MICAL3: variants seen among roughly 807,000 people sequenced by gnomAD.
MICAL3 encodes the protein microtubule associated monooxygenase, calponin and LIM domain containing 3.
Under a neutral mutation model 207.4 loss-of-function variants are expected in MICAL3, and 62 were observed. That is an observed-to-expected ratio of 0.30 (90% CI 0.24 to 0.37). MICAL3 has a LOEUF of 0.37. Ranked by LOEUF, MICAL3 falls within the 10% of genes least tolerant of loss-of-function variation. The pLI, the probability that MICAL3 is intolerant of heterozygous loss-of-function variation, is 1.00. For synonymous variants in MICAL3, 1,077 were observed against 1,069.3 expected (o/e 1.01, Z -0.14); for missense variants, 2,368 against 2,635.6 (o/e 0.90, Z 2.22).
intron 1 of MICAL3, among the ~76,000 whole-genome samples, chr22:17,959,506 G>T (rs917628793): frequency 6.6e-6 from 1 of 152,036 alleles, no homozygotes; most frequent in African/African-American, 2.4e-5. Flanking sequence ...GTAGAGACAC[G>T]GTTTCACCAT....
rs145094405 is a variant in MICAL3 at position 17,982,993 on chromosome 22, G to A, written c.-75+41288C>T. On this transcript the variant is annotated intron_variant, in intron 1 of 31. Transcript: ENST00000441493. ...AGAGTCCAAAAAGTACCTCAGAAAC[G>A]AAGGACCTTGGGCTGAGGCCACAGC... Among the ~76,000 whole-genome samples, 340 of 152,224 alleles carry A rather than the reference G, an allele frequency of 2.2e-3. 1 individual carries two copies. Among genetic ancestry groups the A allele is most frequent in the African/African-American group, 7.9e-3 (329 of 41,536 alleles).
intron 16 of MICAL3, chr22:17,881,227 C>G: frequency 6.2e-7 from 1 of 1,612,652 alleles, no homozygotes; most frequent in Non-Finnish European, 8.5e-7. Flanking sequence ...ATGTGCCCGA[C>G]AGGGAGGTGG....
intron 17 of MICAL3, among the ~76,000 whole-genome samples, chr22:17,871,107 C>CT (rs1471710032): frequency 1.3e-5 from 2 of 152,236 alleles, no homozygotes; most frequent in African/African-American, 4.8e-5. Context: ...CACGAAGTCC[C>CT]TCCAGCATCC....
chr22:17,877,949 T>C (rs914081704), intron 16 of MICAL3, among the ~76,000 whole-genome samples: 2 of 152,082 alleles, frequency 1.3e-5, no homozygotes, highest in African/African-American at 4.8e-5. Context: ...GCCTCCTGGG[T>C]TGATGCCATT....
intron 1 of MICAL3, among the ~76,000 whole-genome samples, chr22:17,952,287 C>T (rs1479659855): frequency 6.6e-6 from 1 of 152,178 alleles, no homozygotes; most frequent in Admixed American, 6.5e-5. Context: ...TCCCCATCAC[C>T]CCACTCTCCT....
intron 29 of MICAL3, among the ~76,000 whole-genome samples, chr22:17,801,055 G>T (rs1052358299): frequency 6.6e-6 from 1 of 152,128 alleles, no homozygotes; most frequent in African/African-American, 2.4e-5. Context: ...TGGGAAAGGG[G>T]AAGTGATGAG....
At chr22:17,981,101 T>C in intron 1 of MICAL3, 1 of 292,550 alleles carries the variant, frequency 3.4e-6, no homozygotes, top group Non-Finnish European at 7.4e-6. Context: ...GACACATTTA[T>C]TTTCAATTTT....
chr22:17,865,853 GC>G, intron 18 of MICAL3, 70 bp downstream of exon 18: 3 of 1,336,476 alleles, frequency 2.2e-6, no homozygotes, highest in Non-Finnish European at 2.1e-6. Context: ...CAGGTTGGCC[GC>G]CCCCGGCCCA....
intron 20 of MICAL3, among the ~76,000 whole-genome samples, 195 bp from the exon 21 acceptor site, chr22:17,832,302 G>A (rs5992874): frequency 0.22 from 33,274 of 152,144 alleles, 4,144 homozygotes; most frequent in Non-Finnish European, 0.29. Flanking sequence ...ACCCAAGCCC[G>A]ACTAAGGGGA....
At chr22:17,963,433 CA>C (rs1041461296) in intron 1 of MICAL3, among the ~76,000 whole-genome samples, 3 of 152,130 alleles carry the variant, frequency 2.0e-5, no homozygotes, top group African/African-American at 7.2e-5. Context: ...CTTGCCTTCA[CA>C]TAAATGCGGG....
At chr22:17,867,375 G>A (rs921887739) in intron 17 of MICAL3, among the ~76,000 whole-genome samples, 1 of 152,210 alleles carries the variant, frequency 6.6e-6, no homozygotes, top group Non-Finnish European at 1.5e-5. Context: ...GTTGCCTGGA[G>A]CCTGGCCACA....
In MICAL3 at chr22:17,900,767, A is replaced by C; in HGVS notation, c.847+75T>G. The C allele has an allele frequency of 7.1e-7, 1 of 1,402,590 alleles. No individual in the cohort carries two copies. Among genetic ancestry groups the C allele is most frequent in the Non-Finnish European group, 1.0e-6 (1 of 999,046 alleles). The allele number at this position is 1,402,590 out of a possible 1,614,324, so 86.9% of individuals were successfully genotyped here. ...AGGGACACCGACGGCCACTCACCCCACCAATCCCCCAAGAAAAAGCCACCA... is the reference window on the plus strand; with the variant it reads ...AGGGACACCGACGGCCACTCACCCCCCCAATCCCCCAAGAAAAAGCCACCA... On this transcript the variant is annotated intron_variant, in intron 6 of 31. Coordinates refer to ENST00000441493, the MANE Select transcript of MICAL3 (RefSeq NM_015241.3). This position sits in a 1 kb window ranked among gnomAD's most constrained non-coding sequence, Gnocchi z 4.0.
chr22:17,946,206 G>T (rs954334700), intron 1 of MICAL3, among the ~76,000 whole-genome samples: 25 of 152,182 alleles, frequency 1.6e-4, no homozygotes, highest in Non-Finnish European at 1.6e-4. Context: ...AGCTCTACCT[G>T]ACCAGGAGGC....
chr22:17,963,333 G>C (rs1935002538), intron 1 of MICAL3, among the ~76,000 whole-genome samples: 1 of 152,058 alleles, frequency 6.6e-6, no homozygotes, highest in South Asian at 2.1e-4. Context: ...GCTGGACACA[G>C]GATGTTTAAA....
rs763181842 is a variant in MICAL3, at chr22:17,823,129, G to C, written c.3194-69C>G. ...GACAGACAGGCTGCATCTTCACGGGGGCGAGAGGTACTGCCTTTCTCAGGG... is the reference window on the plus strand; with the variant it reads ...GACAGACAGGCTGCATCTTCACGGGCGCGAGAGGTACTGCCTTTCTCAGGG... On this transcript the variant is annotated intron_variant, in intron 22 of 31. Transcript: ENST00000441493. 1.1e-4 allele frequency: 117 copies of C among 1,060,066 alleles called. No homozygotes were observed. The African/African-American group carries it at 1.6e-3, about 14-fold the overall frequency. The allele number at this position is 1,060,066 out of a possible 1,614,324, so 65.7% of individuals were successfully genotyped here. A position where few individuals can be genotyped will look rare whatever the true frequency, so the allele number is the denominator to read the frequency against.
intron 1 of MICAL3, among the ~76,000 whole-genome samples, chr22:18,014,573 C>T (rs1227000338): frequency 6.6e-6 from 1 of 152,248 alleles, no homozygotes; most frequent in Non-Finnish European, 1.5e-5. Flanking sequence ...TCATTACATA[C>T]CCTTCTTTCC....
chr22:17,974,886 A>G (rs1349276589), intron 1 of MICAL3, among the ~76,000 whole-genome samples: 1 of 152,212 alleles, frequency 6.6e-6, no homozygotes, highest in East Asian at 1.9e-4. Flanking sequence ...CAATAACCTC[A>G]TGAGGTAGAT....
rs1042768156 is a variant in MICAL3, at chr22:18,016,781, A to T, written c.-75+7500T>A. On this transcript the variant is annotated intron_variant, in intron 1 of 31. Transcript: ENST00000441493. ...CAGTGAAACCCCGTCTCTACTAAAA[A>T]TACAAAAACTTAGCCGGGGGTGGTG... 3.3e-5 allele frequency among the ~76,000 whole-genome samples: 5 copies of T among 152,062 alleles called. 1 individual carries two copies. The East Asian group carries it at 9.6e-4, about 29-fold the overall frequency.
At chr22:17,973,747 G>T (rs965824847) in intron 1 of MICAL3, among the ~76,000 whole-genome samples, 1 of 152,080 alleles carries the variant, frequency 6.6e-6, no homozygotes, top group African/African-American at 2.4e-5. Context: ...TGGGCAACAC[G>T]GTGAGACGCC....
Sources: allele counts gnomAD v4.1 joint callset (sites outside exome capture counted in the v4.1 genomes callset), GRCh38; gene constraint gnomAD v4.1.1; non-coding constraint Gnocchi (gnomAD v3.1); transcripts MANE v1.5; gene names NCBI Gene and HGNC (gene_info 2026-07-23, HGNC 2026-07-21).